CHFR: variants seen among roughly 807,000 people sequenced by gnomAD.
CHFR encodes E3 ubiquitin-protein ligase CHFR.
A neutral mutation model predicts 87.6 loss-of-function variants in CHFR; 57 were observed. That is an observed-to-expected ratio of 0.65 (90% confidence interval 0.53 to 0.81). The LOEUF (loss-of-function observed/expected upper bound fraction) is 0.81, where lower values mean the gene tolerates loss of function less well. Ranked by LOEUF, CHFR falls within the 30% of genes least tolerant of loss-of-function variation. The pLI is 0.00. For missense variants in CHFR, 797 were observed against 865.8 expected, an observed-to-expected ratio of 0.92 and a Z score of 1.00; for synonymous variants, 381 against 359.2, an observed-to-expected ratio of 1.06 and a Z score of -0.69.
intron 14 of CHFR, chr12:132,847,383 C>T (rs1443526323): frequency 6.0e-5 from 71 of 1,181,970 alleles, no homozygotes; most frequent in South Asian, 3.0e-4. Context: ...TCTGCCAAGA[C>T]CTACACAGCC....
rs763608657 is a variant in CHFR, at chr12:132,836,749, A to ACCTCTGTC, written c.*4804_*4805insGACAGAGG. On this transcript the variant is annotated 3_prime_UTR_variant, in exon 18 of 18. Transcript: ENST00000450056. ...ACCGTGAAAAGTGAGCGACAGAGGA[A>ACCTCTGTC]GGGGCGCCTGTTTGTGCCGCGGGAA... The ACCTCTGTC allele has an allele frequency of 4.4e-6, 2 of 456,074 alleles. No homozygotes were observed. The highest frequency in any genetic ancestry group is 3.1e-5 in the South Asian group (2 of 64,560). 28.3% of individuals were successfully genotyped at this position (456,074 alleles called of 1,614,324 possible). A position where few individuals can be genotyped will look rare whatever the true frequency, so the allele number is the denominator to read the frequency against.
intron 2 of CHFR, 116 bp downstream of exon 2, chr12:132,887,080 A>G (rs1429275157): frequency 2.2e-5 from 18 of 833,342 alleles, no homozygotes; most frequent in Non-Finnish European, 5.2e-6. Context: ...TTCTTACATG[A>G]CATTTCACTC....
intron 6 of CHFR, chr12:132,866,403 C>G (rs538056072): frequency 6.6e-6 from 1 of 151,326 alleles, no homozygotes; most frequent in African/African-American, 2.4e-5. Flanking sequence ...TACAACAGAC[C>G]GGAACACCAC....
Position 132,864,892 on chromosome 12 carries a change from A to G in CHFR, c.584-3258T>C, listed in dbSNP as rs570523789. Among the ~76,000 whole-genome samples, 6 of 152,382 alleles carry G rather than the reference A, an allele frequency of 3.9e-5. No homozygotes were observed. The South Asian group carries it at 8.3e-4, about 21-fold the overall frequency. On this transcript the variant is annotated intron_variant, in intron 6 of 17. Coordinates refer to ENST00000450056, the MANE Select transcript of CHFR (RefSeq NM_001161346.2). ...GCAAACCGTATTACCCAGACTACACACTGTGCTATGCACATTGGTGGATAG... is the reference window on the plus strand; with the variant it reads ...GCAAACCGTATTACCCAGACTACACGCTGTGCTATGCACATTGGTGGATAG...
At chr12:132,844,240 A>G in intron 15 of CHFR, 106 bp from the exon 16 acceptor site, 1 of 684,750 alleles carries the variant, frequency 1.5e-6, no homozygotes, top group Non-Finnish European at 2.7e-6. Context: ...TGGGGTGAAG[A>G]CAACGGGCGA....
intron 4 of CHFR, chr12:132,872,082 G>A (rs1368250299): frequency 5.8e-6 from 3 of 519,566 alleles, no homozygotes; most frequent in Non-Finnish European, 1.0e-5. Context: ...GTATTCCTGA[G>A]GAATGGCTGG....
intron 4 of CHFR, among the ~76,000 whole-genome samples, chr12:132,871,107 G>A (rs1278594238): frequency 6.6e-6 from 1 of 152,236 alleles, no homozygotes; most frequent in African/African-American, 2.4e-5. Flanking sequence ...TTATGCTGAA[G>A]ATGCCTAAGA....
intron 6 of CHFR, among the ~76,000 whole-genome samples, chr12:132,864,256 G>T (rs1464555751): frequency 6.6e-6 from 1 of 151,118 alleles, no homozygotes; most frequent in South Asian, 2.1e-4. Flanking sequence ...CCTCATATAC[G>T]AACAGAAGGA....
Position 132,857,122 on chromosome 12 carries a change from GC to G in CHFR, c.1066+282del, listed in dbSNP as rs368453010. ...AGGGACAGCCCTCACGTGCCCGGGT[GC>G]TGGTGGAGGGACAGCCCTCACGTGC... is the stretch of plus-strand genomic sequence containing the variant. On this transcript the variant is annotated intron_variant, in intron 9 of 17. Coordinates refer to ENST00000450056, the MANE Select transcript of CHFR (RefSeq NM_001161346.2). Among the ~76,000 whole-genome samples the G allele has an allele frequency of 1.7e-4, 24 of 140,630 alleles. 1 individual carries two copies. In the East Asian group the frequency reaches 4.9e-3, roughly 29 times the overall value. 92.3% of individuals were successfully genotyped at this position (140,630 alleles called of 152,430 possible). A position where few individuals can be genotyped will look rare whatever the true frequency, so the allele number is the denominator to read the frequency against.
intron 12 of CHFR, among the ~76,000 whole-genome samples, chr12:132,850,412 T>C (rs1950914092): frequency 6.6e-6 from 1 of 152,150 alleles, no homozygotes; most frequent in South Asian, 2.1e-4. Flanking sequence ...GGGGAAAAGC[T>C]GGGCCGAGCT....
chr12:132,858,995 C>T (rs966360223), intron 8 of CHFR, 73 bp downstream of exon 8: 2 of 1,458,522 alleles, frequency 1.4e-6, no homozygotes, highest in South Asian at 2.6e-5. Flanking sequence ...TGTCTCATGC[C>T]CAGCCCTGCC....
Position 132,856,560 on chromosome 12 carries a change from C to A in CHFR, c.1137G>T (p.Gln379His). Residue 379 changes from glutamine to histidine, a missense_variant, in exon 10 of 18, where the codon CAG becomes CAT. Physicochemically the swap from Gln to His is conservative, Grantham distance 24. Transcript: ENST00000450056. ...CAGAAAAAGACCGCCTGACTTTGGG[C>A]TGCAGCATGTCTTGAGTGATTTTAT... Reference protein sequence around the residue: ...ARNKITQDMLQPKVRRSFSDE... With the variant: ...ARNKITQDMLHPKVRRSFSDE... The A allele has an allele frequency of 6.2e-7, 1 of 1,614,206 alleles. No homozygotes were observed. Among genetic ancestry groups the A allele is most frequent in the East Asian group, 2.2e-5 (1 of 44,888 alleles).
At chr12:132,858,096 T>A (rs1469361272) in intron 8 of CHFR, among the ~76,000 whole-genome samples, 2 of 152,118 alleles carry the variant, frequency 1.3e-5, no homozygotes, top group East Asian at 3.9e-4. Context: ...GTGGCTCACG[T>A]CTGTAATCCC....
At chr12:132,856,267 C>A (rs545093760) in intron 10 of CHFR, among the ~76,000 whole-genome samples, 16 of 152,210 alleles carry the variant, frequency 1.1e-4, no homozygotes, top group African/African-American at 3.9e-4. Flanking sequence ...AAGTGTTCAC[C>A]CAGTCCCTGC....
At chr12:132,847,631 T>C in intron 14 of CHFR, 7 of 1,075,740 alleles carry the variant, frequency 6.5e-6, no homozygotes, top group Non-Finnish European at 7.9e-6. Context: ...GTCAGCAAAG[T>C]GCTCGGCAGG....
Position 132,833,079 on chromosome 12 carries a change from G to A in CHFR, c.*8475C>T, listed in dbSNP as rs562613660. 1 of 152,302 alleles carries A rather than the reference G, an allele frequency of 6.6e-6. No homozygotes were observed. Among genetic ancestry groups the A allele is most frequent in the East Asian group, 1.9e-4 (1 of 5,192 alleles). The allele number at this position is 152,302 out of a possible 1,614,324, so 9.4% of individuals were successfully genotyped here. A position where few individuals can be genotyped will look rare whatever the true frequency, so the allele number is the denominator to read the frequency against. ...CACTCAGCACGTTTCCTCGCTGCAC[G>A]ATACTCCAGTGTCTGGATACACCCA... On this transcript the variant is annotated 3_prime_UTR_variant, in exon 18 of 18. Transcript: ENST00000450056.
chr12:132,862,141 G>A (rs542881364), intron 6 of CHFR, among the ~76,000 whole-genome samples: 33 of 152,172 alleles, frequency 2.2e-4, no homozygotes, highest in East Asian at 7.8e-4. Flanking sequence ...CAGGCGTGGT[G>A]GCGAGTGCAT....
At chr12:132,844,209 G>A (rs1435826296) in intron 15 of CHFR, 75 bp from the exon 16 acceptor site, 8 of 919,250 alleles carry the variant, frequency 8.7e-6, no homozygotes, top group Non-Finnish European at 1.4e-5. Context: ...AGCAGTGGGA[G>A]ACTAACGCAC....
chr12:132,843,835 G>C (rs1289809185), intron 16 of CHFR, among the ~76,000 whole-genome samples, 192 bp downstream of exon 16: 1 of 151,986 alleles, frequency 6.6e-6, no homozygotes, highest in Non-Finnish European at 1.5e-5. Flanking sequence ...TGTAATCCCA[G>C]CTACTCAGGA....
Sources: allele counts gnomAD v4.1 joint callset (sites outside exome capture counted in the v4.1 genomes callset), GRCh38; gene constraint gnomAD v4.1.1; transcripts MANE v1.5; gene names NCBI Gene and HGNC (gene_info 2026-07-23, HGNC 2026-07-21).